FGF13: variants seen among roughly 807,000 people sequenced by gnomAD.
FGF13 encodes fibroblast growth factor homologous factor 2.
In FGF13, 2 loss-of-function variants were observed where a neutral mutation model predicts 19.5. The observed-to-expected ratio is 0.10, with a 90% CI of 0.04 to 0.32. The LOEUF is 0.32. Among genes scored for constraint, FGF13 ranks in the 10% least tolerant of loss-of-function variants. The probability of loss-of-function intolerance (pLI) is 1.00; values close to 1 mark genes in which losing one functional copy is unlikely to be tolerated. For synonymous variants in FGF13, 72 were observed against 76.9 expected, an observed-to-expected ratio of 0.94 and a Z score of 0.33; for missense variants, 113 against 192.7, an observed-to-expected ratio of 0.59 and a Z score of 2.45.
rs763144203 is a variant in FGF13, at chrX:139,024,569, T to G, written c.-112-159919A>C. 4.5e-5 allele frequency among the ~76,000 whole-genome samples: 5 copies of G among 111,778 alleles called. No homozygotes were observed. In the South Asian group the frequency reaches 1.9e-3, roughly 42 times the overall value. ...GTGCTGCTTCTCTCTGCCTCAAGAT[T>G]GTATTGCTGCCCTTGTCCATAAACA... On this transcript the variant is annotated intron_variant, in intron 1 of 2. Transcript: ENST00000421460.
At chrX:139,193,192 T>C (rs2084346008) in intron 1 of FGF13, among the ~76,000 whole-genome samples, 1 of 110,869 alleles carries the variant, frequency 9.0e-6, no homozygotes, top group Non-Finnish European at 1.9e-5. Flanking sequence ...TGAAAATCAC[T>C]ACTATTTCAG....
At chrX:138,783,448 G>T (rs1181873482) in intron 3 of FGF13, among the ~76,000 whole-genome samples, 4 of 101,577 alleles carry the variant, frequency 3.9e-5, no homozygotes, top group Admixed American at 1.1e-4. Flanking sequence ...AATCTACAAT[G>T]AACTCAAACA....
intron 3 of FGF13, among the ~76,000 whole-genome samples, chrX:138,830,165 A>G (rs1049924216): frequency 1.8e-5 from 2 of 112,393 alleles, no homozygotes; most frequent in Non-Finnish European, 3.7e-5. Context: ...GAACTGGGTA[A>G]TGGGCAGAGG....
chrX:138,703,635 A>C lies in FGF13; in HGVS notation c.299-548T>G, dbSNP rs376478917. Among the ~76,000 whole-genome samples, 6 of 112,688 alleles carry C rather than the reference A, an allele frequency of 5.3e-5. No homozygotes were observed. In the East Asian group the frequency reaches 1.4e-3, roughly 26 times the overall value. ...CATCTAAATTATCTGTGTTATTCCA[A>C]ATACAAGAACTCCAAAATAAATTCA... On this transcript the variant is annotated intron_variant, in intron 2 of 4. Coordinates refer to ENST00000315930, the MANE Select transcript of FGF13 (RefSeq NM_004114.5).
chrX:138,993,270 T>A, intron 1 of FGF13, among the ~76,000 whole-genome samples: 1 of 34,946 alleles, frequency 2.9e-5, no homozygotes, highest in Non-Finnish European at 8.5e-5. Flanking sequence ...CTAAATAAAA[T>A]CTGTAGTGCA....
intron 1 of FGF13, among the ~76,000 whole-genome samples, chrX:138,907,747 C>A (rs1313314379): frequency 2.7e-5 from 3 of 111,311 alleles, no homozygotes; most frequent in Non-Finnish European, 5.6e-5. Flanking sequence ...ATTATTACAC[C>A]TGTTTTCTTA....
chrX:138,855,625 T>C (rs903286851), downstream of FGF13, among the ~76,000 whole-genome samples: 1 of 111,407 alleles, frequency 9.0e-6, no homozygotes, highest in African/African-American at 3.3e-5. Flanking sequence ...AACAGCTCAA[T>C]ATGTGGATTA....
At chrX:139,185,119 A>C (rs1190853346) in intron 1 of FGF13, among the ~76,000 whole-genome samples, 3 of 112,332 alleles carry the variant, frequency 2.7e-5, no homozygotes, top group Non-Finnish European at 5.6e-5. Context: ...ATCCATGGGA[A>C]AAGGGGGTGC....
At chrX:138,766,276 C>T (rs183084130) in intron 3 of FGF13, among the ~76,000 whole-genome samples, 160 of 112,069 alleles carry the variant, frequency 1.4e-3, no homozygotes, top group Non-Finnish European at 2.4e-3. Context: ...AGTAGGTGGT[C>T]AATAAATGCT....
chrX:138,737,158 G>C (rs1417054999), intron 1 of FGF13, among the ~76,000 whole-genome samples: 1 of 111,434 alleles, frequency 9.0e-6, no homozygotes, highest in Non-Finnish European at 1.9e-5. Context: ...TGGAGATGGA[G>C]AACTTAGGAT....
At chrX:138,781,023 C>T (rs1167446573) in intron 3 of FGF13, among the ~76,000 whole-genome samples, 13 of 111,161 alleles carry the variant, frequency 1.2e-4, no homozygotes, top group South Asian at 7.7e-4. Flanking sequence ...CACTCAAAAC[C>T]GCTCAACTAC....
chrX:139,072,197 G>A (rs995526398), intron 1 of FGF13, among the ~76,000 whole-genome samples: 2 of 107,948 alleles, frequency 1.9e-5, no homozygotes, highest in Non-Finnish European at 3.8e-5. Context: ...TAAAAGTGGG[G>A]CCCTAATCCA....
Position 138,632,655 on chromosome X carries a change from CA to C in FGF13, c.*194del, listed in dbSNP as rs1307403066. On this transcript the variant is annotated 3_prime_UTR_variant, in exon 5 of 5. Coordinates refer to ENST00000315930, the MANE Select transcript of FGF13 (RefSeq NM_004114.5). ...CTAAAATGCTTGGCATTCTTATGCA[CA>C]AGCTCAATCTAAATAATGGGGCTTT... 1 of 419,073 alleles carries C rather than the reference CA, an allele frequency of 2.4e-6. No homozygotes were observed. The allele number at this position is 419,073 out of a possible 1,213,427, so 34.5% of individuals were successfully genotyped here.
intron 1 of FGF13, among the ~76,000 whole-genome samples, chrX:138,929,871 TG>T (rs2091693033): frequency 9.3e-6 from 1 of 106,988 alleles, no homozygotes; most frequent in Admixed American, 1.0e-4. Context: ...TGTGTGTGTG[TG>T]TGTGTGTGTG....
At chrX:138,876,283 A>C (rs183458082) in intron 1 of FGF13, among the ~76,000 whole-genome samples, 1 of 112,519 alleles carries the variant, frequency 8.9e-6, no homozygotes, top group East Asian at 2.8e-4. Flanking sequence ...CTCTCACCTT[A>C]AAATGTAGGC....
chrX:139,090,599 C>T (rs1180505669), intron 1 of FGF13, among the ~76,000 whole-genome samples: 1 of 110,698 alleles, frequency 9.0e-6, no homozygotes, highest in East Asian at 2.8e-4. Context: ...TCCTCCCACC[C>T]TCTGCCCTCC....
At chrX:138,718,726 A>G (rs1432732680) in intron 1 of FGF13, among the ~76,000 whole-genome samples, 1 of 111,907 alleles carries the variant, frequency 8.9e-6, no homozygotes, top group Non-Finnish European at 1.9e-5. Context: ...AGAAAATACT[A>G]TCCTCCATAT....
intron 1 of FGF13, among the ~76,000 whole-genome samples, chrX:139,177,500 C>T (rs1308102591): frequency 3.6e-5 from 4 of 111,418 alleles, no homozygotes; most frequent in African/African-American, 6.5e-5. Flanking sequence ...TTTGTTGATG[C>T]AGTTTCAGCA....
At chrX:138,840,813 G>A (rs1602942952) in intron 3 of FGF13, among the ~76,000 whole-genome samples, 2 of 111,800 alleles carry the variant, frequency 1.8e-5, no homozygotes, top group South Asian at 7.6e-4. Flanking sequence ...TCCAGTTTCT[G>A]ACTTTCTGCC....
Sources: allele counts gnomAD v4.1 joint callset (sites outside exome capture counted in the v4.1 genomes callset), GRCh38; gene constraint gnomAD v4.1.1; transcripts MANE v1.5; gene names NCBI Gene and HGNC (gene_info 2026-07-23, HGNC 2026-07-21).